AHR: variants seen among roughly 807,000 people sequenced by gnomAD.
AHR encodes aryl hydrocarbon receptor, also known as AH-receptor.
Under a neutral mutation model 86.8 loss-of-function variants are expected in AHR, and 40 were observed. The observed-to-expected ratio is 0.46, with a 90% CI of 0.36 to 0.60. The LOEUF (loss-of-function observed/expected upper bound fraction) is 0.60. Among genes scored for constraint, AHR ranks in the 20% least tolerant of loss-of-function variants. AHR has a pLI of 0.00. For synonymous variants in AHR, 398 were observed against 354.9 expected (o/e 1.12, Z -1.37); for missense variants, 1,001 against 1,011.6 (o/e 0.99, Z 0.14).
chr7:17,328,201 TAA>T (rs1782249213), intron 4 of AHR, among the ~76,000 whole-genome samples: 1 of 151,924 alleles, frequency 6.6e-6, no homozygotes, highest in African/African-American at 2.4e-5. Context: ...GAGATGCTGT[TAA>T]AAAGTACAAG....
At chr7:17,332,013 T>C (rs1157111864) in intron 6 of AHR, among the ~76,000 whole-genome samples, 1 of 151,952 alleles carries the variant, frequency 6.6e-6, no homozygotes, top group Non-Finnish European at 1.5e-5. Context: ...AATTAGTATG[T>C]AGAGTCATGT....
rs777431061 is a variant in AHR, at chr7:17,339,905, A to G, written c.2080A>G (p.Met694Val). 9 of 1,614,090 alleles carry G rather than the reference A, an allele frequency of 5.6e-6. No homozygotes were observed. The highest frequency in any genetic ancestry group is 1.6e-4 in the Middle Eastern group (1 of 6,084). Reference protein sequence around the residue: ...EFPYKSEMDSMPYTQNFISCN... With the variant: ...EFPYKSEMDSVPYTQNFISCN... ...CCCCTACAAATCTGAAATGGATTCTATGCCTTATACACAGAACTTTATTTC... is the reference window on the plus strand; with the variant it reads ...CCCCTACAAATCTGAAATGGATTCTGTGCCTTATACACAGAACTTTATTTC... The change falls in exon 10 of 11, where the codon ATG (methionine) becomes GTG (valine). Residue 694 changes from methionine to valine, a missense_variant. Met to Val is a conservative substitution (Grantham distance 21, BLOSUM62 1). Around this residue, in one of 2 missense-constraint regions of AHR, gnomAD observed 607 missense variants for 543.1 expected, o/e 1.12. Transcript: ENST00000242057.
At chr7:17,340,374 T>C (rs1562483040) in intron 10 of AHR, 146 bp downstream of exon 10, 3 of 276,210 alleles carry the variant, frequency 1.1e-5, no homozygotes, top group East Asian at 2.6e-4. Flanking sequence ...TGTGACTACC[T>C]TTTTTTTTTT....
chr7:17,326,177 G>A (rs1331729408), intron 3 of AHR, among the ~76,000 whole-genome samples: 1 of 152,040 alleles, frequency 6.6e-6, no homozygotes. Context: ...TTACCTCATT[G>A]GGTTTTTGGG....
intron 9 of AHR, among the ~76,000 whole-genome samples, chr7:17,337,432 G>A (rs1782364940): frequency 6.8e-6 from 1 of 146,524 alleles, no homozygotes; most frequent in Non-Finnish European, 1.5e-5. Context: ...AAGACATTTT[G>A]TTTTCATTTA....
chr7:17,340,899 T>A (rs1782416716), intron 10 of AHR, among the ~76,000 whole-genome samples: 1 of 152,122 alleles, frequency 6.6e-6, no homozygotes. Flanking sequence ...TCAAGCTTGA[T>A]AGTGCATTTT....
At chr7:17,325,204 A>T (rs1782215707) in intron 3 of AHR, among the ~76,000 whole-genome samples, 1 of 152,200 alleles carries the variant, frequency 6.6e-6, no homozygotes, top group Non-Finnish European at 1.5e-5. Flanking sequence ...CTGGTACTTG[A>T]GATCATTTGA....
At chr7:17,335,030 A>G in intron 8 of AHR, 34 bp downstream of exon 8, 1 of 1,476,234 alleles carries the variant, frequency 6.8e-7, no homozygotes, top group Non-Finnish European at 9.5e-7. Flanking sequence ...ATGTCAGAAG[A>G]AAACGGCATA....
rs1782442278 is a variant in AHR, at chr7:17,342,981, C to G, written c.2464C>G (p.Gln822Glu). ...PAELNNINNT[Q>E]TTTHLQPLHH... The stretch of plus-strand genomic sequence containing the variant: ...TGAATTAAATAACATAAATAACACT[C>G]AGACTACCACACATCTTCAGCCACT... The change falls in exon 11 of 11, where the codon CAG (glutamine) becomes GAG (glutamate). Residue 822 changes from glutamine to glutamate, a missense_variant. Gln to Glu is a conservative substitution (Grantham distance 29). Around this residue, in one of 2 missense-constraint regions of AHR, gnomAD observed 607 missense variants for 543.1 expected, o/e 1.12. Coordinates refer to ENST00000242057, the MANE Select transcript of AHR (RefSeq NM_001621.5). The G allele has an allele frequency of 1.9e-6, 3 of 1,613,140 alleles. No homozygotes were observed. Among genetic ancestry groups the G allele is most frequent in the Admixed American group, 3.3e-5 (2 of 59,958 alleles).
In AHR at chr7:17,343,125, A is replaced by T. The variant is rs2115372161; in HGVS notation, c.*61A>T. The T allele has an allele frequency of 6.4e-7, 1 of 1,574,688 alleles. No homozygotes were observed. On this transcript the variant is annotated 3_prime_UTR_variant, in exon 11 of 11. Transcript: ENST00000242057. ...AATTAGTTTGTGAAGGATTATGGAA[A>T]AATAAAACTGTCACTGTTGGACGTC...
rs1340465407 is a variant in AHR at position 17,343,791 on chromosome 7, G to A, written c.*727G>A. 6.6e-6 allele frequency: 1 copy of A among 152,232 alleles called. No homozygotes were observed. The highest frequency in any genetic ancestry group is 1.5e-5 in the Non-Finnish European group (1 of 67,892). The allele number at this position is 152,232 out of a possible 1,614,324, so 9.4% of individuals were successfully genotyped here. A position where few individuals can be genotyped will look rare whatever the true frequency, so the allele number is the denominator to read the frequency against. ...GCTTACCTACTTTCTTCAGGTAAAG[G>A]GCAAATAATGATCGAAAAAATAATT... is the stretch of plus-strand genomic sequence containing the variant. On this transcript the variant is annotated 3_prime_UTR_variant, in exon 11 of 11. Transcript: ENST00000242057.
intron 1 of AHR, among the ~76,000 whole-genome samples, chr7:17,307,452 G>A (rs944059710): frequency 3.9e-5 from 6 of 152,130 alleles, no homozygotes; most frequent in African/African-American, 1.4e-4. Context: ...CTACTTGAGC[G>A]GGGACTTGAA....
In AHR at chr7:17,334,052, C is replaced by G; in HGVS notation, c.846C>G (p.Thr282=). 4.3e-6 allele frequency: 7 copies of G among 1,613,486 alleles called. No individual in the cohort carries two copies. Among genetic ancestry groups the G allele is most frequent in the Non-Finnish European group, 5.9e-6 (7 of 1,179,510 alleles). ...LQPPSILEIR[T]KNFIFRTKHK... is the part of the protein sequence containing the mutation. ...CACCATCCATACTTGAAATCCGGACCAAAAATTTTATCTTTAGAACCAAAC... is the reference window on the plus strand; with the variant it reads ...CACCATCCATACTTGAAATCCGGACGAAAAATTTTATCTTTAGAACCAAAC... Residue 282 remains threonine, a synonymous_variant, in exon 7 of 11, where the codon ACC becomes ACG. Transcript: ENST00000242057.
chr7:17,301,871 CAAG>C (rs1351407343), intron 1 of AHR, among the ~76,000 whole-genome samples: 1 of 151,868 alleles, frequency 6.6e-6, no homozygotes, highest in Non-Finnish European at 1.5e-5. Context: ...TTCCTACCTT[CAAG>C]AAGAAAATAT....
chr7:17,303,787 A>T (rs1244237678), intron 1 of AHR, among the ~76,000 whole-genome samples: 3 of 152,084 alleles, frequency 2.0e-5, no homozygotes, highest in Admixed American at 2.0e-4. Context: ...ATAGAAAAGT[A>T]TGTGTTGTTT....
chr7:17,299,401 C>A (rs1338024070), intron 1 of AHR, 72 bp downstream of exon 1: 3 of 1,533,358 alleles, frequency 2.0e-6, no homozygotes, highest in Non-Finnish European at 2.7e-6. Flanking sequence ...GGCAGCCCCA[C>A]CCCGCCCCCA....
intron 10 of AHR, among the ~76,000 whole-genome samples, chr7:17,341,225 A>G (rs1173137749): frequency 6.6e-6 from 1 of 152,138 alleles, no homozygotes; most frequent in Non-Finnish European, 1.5e-5. Context: ...GCTTTTTCAT[A>G]CATTTTGCTT....
rs374243337 is a variant in AHR at position 17,339,332 on chromosome 7, A to G, written c.1507A>G (p.Met503Val). 44 of 1,614,084 alleles carry G rather than the reference A, an allele frequency of 2.7e-5. No individual in the cohort carries two copies. The highest frequency in any genetic ancestry group is 2.3e-4 in the Admixed American group (14 of 60,006). ...AAATTGGCAAGATAATACTGCACCG[A>G]TGGGAAATGATACTATCCTGAAACA... ...CRNWQDNTAPMGNDTILKHEQ... is the reference protein window; with the variant it reads ...CRNWQDNTAPVGNDTILKHEQ... Residue 503 changes from methionine (M) to valine (V), a missense_variant, in exon 10 of 11, where the codon ATG (methionine) becomes GTG (valine). By Grantham distance (21) the Met-to-Val change is conservative. Transcript: ENST00000242057.
intron 1 of AHR, among the ~76,000 whole-genome samples, chr7:17,302,678 G>A (rs1019207209): frequency 1.3e-5 from 2 of 151,738 alleles, no homozygotes; most frequent in African/African-American, 4.8e-5. Flanking sequence ...TAAATTGAAA[G>A]CACTGGATCT....
Sources: gnomAD v4.1 joint callset for allele counts (sites outside exome capture counted in the v4.1 genomes callset) on GRCh38, gnomAD v4.1.1 for gene constraint, gnomAD v4.1.1 regional missense constraint, MANE v1.5 for transcripts, NCBI Gene and HGNC (gene_info 2026-07-23, HGNC 2026-07-21) for gene names.